The following STX8 variants were observed in gnomAD, a reference collection of about 807,000 sequenced individuals.
The protein encoded by STX8 is syntaxin 8.
A neutral mutation model predicts 37.5 loss-of-function variants in STX8; 23 were observed. The observed-to-expected ratio is 0.61, with a 90% confidence interval of 0.44 to 0.87. The LOEUF is 0.87. Ranked by LOEUF, STX8 falls within the 40% of genes least tolerant of loss-of-function variation. The pLI, the probability that STX8 is intolerant of heterozygous loss-of-function variation, is 0.00. For missense variants in STX8, 313 were observed against 284.7 expected (o/e 1.10, Z -0.71); for synonymous variants, 115 against 99.1 (o/e 1.16, Z -0.95).
At chr17:9,510,420 C>G (rs1904987043) in intron 4 of STX8, among the ~76,000 whole-genome samples, 1 of 152,060 alleles carries the variant, frequency 6.6e-6, no homozygotes, top group African/African-American at 2.4e-5. Context: ...TGAAATCATA[C>G]CAAGTATCCT....
intron 7 of STX8, among the ~76,000 whole-genome samples, chr17:9,348,093 T>C (rs1910588796): frequency 1.3e-5 from 2 of 152,110 alleles, no homozygotes; most frequent in Non-Finnish European, 2.9e-5. Context: ...ATTTATCCTG[T>C]GTGACAGGTG....
intron 6 of STX8, among the ~76,000 whole-genome samples, chr17:9,403,265 C>T (rs59621841): frequency 0.016 from 2,495 of 152,152 alleles, 70 homozygotes; most frequent in African/African-American, 0.056. Context: ...GTGAAAGTAT[C>T]GATAAAGACA....
chr17:9,497,217 T>G lies in STX8; in HGVS notation c.449-5296A>C, dbSNP rs983696930. On this transcript the variant is annotated intron_variant, in intron 5 of 7. Transcript: ENST00000306357. ...GTATATTAAAGAAACTTAAGAGACA[T>G]AACTAGTTGCAATGTATGGGCCATA... Among the ~76,000 whole-genome samples the G allele has an allele frequency of 3.3e-4, 50 of 152,222 alleles. 1 individual carries two copies. Among genetic ancestry groups the G allele is most frequent in the African/African-American group, 1.2e-3 (50 of 41,544 alleles).
At chr17:9,503,146 C>T (rs1357564109) in intron 5 of STX8, among the ~76,000 whole-genome samples, 2 of 138,006 alleles carry the variant, frequency 1.4e-5, no homozygotes, top group African/African-American at 5.7e-5. Flanking sequence ...TACTGATACA[C>T]ATAACCAGTT....
At chr17:9,396,002 G>A (rs1912388236) in intron 6 of STX8, among the ~76,000 whole-genome samples, 1 of 152,106 alleles carries the variant, frequency 6.6e-6, no homozygotes, top group Admixed American at 6.5e-5. Context: ...AATAAATAAA[G>A]ACCTCATCAG....
intron 1 of STX8, among the ~76,000 whole-genome samples, chr17:9,574,724 G>C (rs764581655): frequency 1.2e-4 from 19 of 152,114 alleles, no homozygotes; most frequent in Non-Finnish European, 2.6e-4. Context: ...AGTAGAGACG[G>C]GGTTTCTCCA....
At chr17:9,416,161 T>C (rs1031511675) in intron 6 of STX8, among the ~76,000 whole-genome samples, 5 of 152,162 alleles carry the variant, frequency 3.3e-5, no homozygotes, top group Admixed American at 1.3e-4. Context: ...TAAAAGCATG[T>C]GGGTTATTTT....
intron 2 of STX8, among the ~76,000 whole-genome samples, chr17:9,565,132 C>T (rs566758251): frequency 1.3e-5 from 2 of 152,210 alleles, no homozygotes; most frequent in Admixed American, 6.5e-5. Flanking sequence ...CACTTGAACC[C>T]GAGAGGCAGA....
Position 9,558,810 on chromosome 17 carries a change from G to A in STX8, c.118-1282C>T, listed in dbSNP as rs553675120. ...TGCACTCCAGCCTGGGCGACAGAGC[G>A]AGACTCCGTCTCAAAAAAAAAAAAA... is the stretch of plus-strand genomic sequence containing the variant. On this transcript the variant is annotated intron_variant, in intron 2 of 7. Coordinates refer to ENST00000306357, the MANE Select transcript of STX8 (RefSeq NM_004853.3). 8.3e-4 allele frequency among the ~76,000 whole-genome samples: 124 copies of A among 149,744 alleles called. 2 individuals are homozygous for A. Among genetic ancestry groups the A allele is most frequent in the African/African-American group, 2.5e-3 (100 of 40,482 alleles).
At chr17:9,298,107 G>GCCT (rs1908631361) in intron 7 of STX8, among the ~76,000 whole-genome samples, 1 of 152,088 alleles carries the variant, frequency 6.6e-6, no homozygotes, top group South Asian at 2.1e-4. Flanking sequence ...GTCACAGTCA[G>GCCT]CCTCCTCCTC....
At chr17:9,482,902 G>A (rs1014843005) in intron 6 of STX8, among the ~76,000 whole-genome samples, 3 of 152,072 alleles carry the variant, frequency 2.0e-5, no homozygotes, top group East Asian at 3.9e-4. Flanking sequence ...TAACAAGAGC[G>A]AAACTGCGTC....
intron 6 of STX8, among the ~76,000 whole-genome samples, chr17:9,458,382 T>C (rs2125353): frequency 0.25 from 37,446 of 152,110 alleles, 4,850 homozygotes; most frequent in Non-Finnish European, 0.29. Context: ...ATCTCCTGAC[T>C]TCGTGATCCG....
chr17:9,562,133 G>A (rs944595289), intron 2 of STX8, among the ~76,000 whole-genome samples: 2 of 151,586 alleles, frequency 1.3e-5, no homozygotes, highest in African/African-American at 4.8e-5. Flanking sequence ...GCCGGGCGCA[G>A]TGGCTCACGC....
At chr17:9,528,497 G>C (rs773240216) in intron 4 of STX8, among the ~76,000 whole-genome samples, 13 of 152,196 alleles carry the variant, frequency 8.5e-5, no homozygotes, top group Non-Finnish European at 1.6e-4. Context: ...GTATTTAGTA[G>C]AGAGTAGAGA....
At chr17:9,556,445 CTTTT>C (rs893527929) in intron 3 of STX8, among the ~76,000 whole-genome samples, 11 of 151,758 alleles carry the variant, frequency 7.2e-5, no homozygotes, top group African/African-American at 2.7e-4. Context: ...ATGAATTTCT[CTTTT>C]TTTATTATTT....
chr17:9,332,245 T>C (rs761661964), intron 7 of STX8, among the ~76,000 whole-genome samples: 1 of 152,130 alleles, frequency 6.6e-6, no homozygotes, highest in Non-Finnish European at 1.5e-5. Context: ...TGCTCCATAA[T>C]GGGAAATGGG....
intron 3 of STX8, chr17:9,547,246 C>CAAAA (rs11300957): frequency 1.5e-5 from 2 of 129,636 alleles, no homozygotes; most frequent in African/African-American, 6.1e-5. Context: ...GACTCTGTCT[C>CAAAA]AAAAAAAAAA....
intron 1 of STX8, among the ~76,000 whole-genome samples, chr17:9,575,385 G>A (rs1038347961): frequency 5.3e-5 from 8 of 152,174 alleles, no homozygotes; most frequent in African/African-American, 1.7e-4. Context: ...CTCCACCTGT[G>A]AAATAAGGGG....
chr17:9,470,610 T>G (rs984044598), intron 6 of STX8, among the ~76,000 whole-genome samples: 4 of 152,204 alleles, frequency 2.6e-5, no homozygotes, highest in African/African-American at 9.6e-5. Context: ...TTCTCAGGAA[T>G]TAAGCATTCT....
Sources: allele counts gnomAD v4.1 joint callset (sites outside exome capture counted in the v4.1 genomes callset), GRCh38; gene constraint gnomAD v4.1.1; transcripts MANE v1.5; gene names NCBI Gene and HGNC (gene_info 2026-07-23, HGNC 2026-07-21).